The following CFAP107 variants were observed in gnomAD, a reference collection of about 807,000 sequenced individuals.
CFAP107 encodes cilia- and flagella-associated protein 107.
the CFAP107 span, among the ~76,000 whole-genome samples, chr1:12,755,211 C>T: frequency 1.3e-5 from 2 of 152,114 alleles, no homozygotes; most frequent in Non-Finnish European, 2.9e-5. Context: ...TCGAGACCAT[C>T]CTAGCCAACA....
At chr1:12,752,313 A>G in the CFAP107 span, among the ~76,000 whole-genome samples, 27,045 of 152,038 alleles carry the variant, frequency 0.18, 2,669 homozygotes, top group Middle Eastern at 0.24. Flanking sequence ...GGCTGGGCAT[A>G]GTGGCTCATG....
chr1:12,750,243 A>G, the CFAP107 span, among the ~76,000 whole-genome samples: 2 of 152,226 alleles, frequency 1.3e-5, no homozygotes, highest in South Asian at 4.1e-4. Context: ...TATTCACAAA[A>G]GAAAATAATA....
the CFAP107 span, chr1:12,746,518 A>G: frequency 6.2e-7 from 1 of 1,612,978 alleles, no homozygotes; most frequent in Non-Finnish European, 8.5e-7. Context: ...GCTCACTGGA[A>G]ATTGGATGGA....
the CFAP107 span, among the ~76,000 whole-genome samples, chr1:12,747,272 T>C: frequency 2.0e-5 from 3 of 152,216 alleles, no homozygotes; most frequent in East Asian, 5.8e-4. Flanking sequence ...CTTCACCATG[T>C]TGGCCAGGCT....
chr1:12,751,659 C>T, the CFAP107 span, among the ~76,000 whole-genome samples: 1 of 151,884 alleles, frequency 6.6e-6, no homozygotes, highest in East Asian at 1.9e-4. Flanking sequence ...AAGAGAAAAC[C>T]AAATTGGTTT....
the CFAP107 span, among the ~76,000 whole-genome samples, chr1:12,752,545 C>T: frequency 7.1e-4 from 84 of 118,004 alleles, no homozygotes; most frequent in Admixed American, 2.2e-3. Flanking sequence ...TCAGCCTGGC[C>T]GACTCTGTCT....
At chr1:12,750,855 C>G in the CFAP107 span, among the ~76,000 whole-genome samples, 1 of 150,212 alleles carries the variant, frequency 6.7e-6, no homozygotes. Context: ...TTTTTTTTTT[C>G]TCAAGTACAT....
At chr1:12,755,475 G>A in the CFAP107 span, among the ~76,000 whole-genome samples, 23 of 152,132 alleles carry the variant, frequency 1.5e-4, no homozygotes, top group African/African-American at 4.3e-4. Flanking sequence ...ACACAGGTGC[G>A]GATGATGAGG....
chr1:12,755,792 G>A, the CFAP107 span: 2 of 1,613,280 alleles, frequency 1.2e-6, no homozygotes, highest in Non-Finnish European at 1.7e-6. Flanking sequence ...TCTCCAGGTG[G>A]TATGGGAAGA....
the CFAP107 span, chr1:12,761,228 C>T: frequency 2.9e-6 from 1 of 340,286 alleles, no homozygotes; most frequent in Non-Finnish European, 5.3e-6. Context: ...ACAGGAAGGG[C>T]CCTTAAGTTC....
At chr1:12,747,405 G>T in the CFAP107 span, among the ~76,000 whole-genome samples, 1 of 151,962 alleles carries the variant, frequency 6.6e-6, no homozygotes, top group South Asian at 2.1e-4. Flanking sequence ...TTTGGCTCTT[G>T]GTTTTCCACT....
chr1:12,758,682 G>A, the CFAP107 span, among the ~76,000 whole-genome samples: 3 of 152,166 alleles, frequency 2.0e-5, no homozygotes, highest in Non-Finnish European at 4.4e-5. Context: ...GGGCCCAAGA[G>A]GATTTTCTTA....
chr1:12,752,126 C>A, the CFAP107 span, among the ~76,000 whole-genome samples: 1 of 152,040 alleles, frequency 6.6e-6, no homozygotes, highest in Non-Finnish European at 1.5e-5. Context: ...CAGCATTACC[C>A]TGATACTAAA....
the CFAP107 span, chr1:12,759,496 A>T: frequency 1.9e-5 from 30 of 1,613,936 alleles, no homozygotes; most frequent in East Asian, 6.2e-4. Context: ...TGGTACCTTT[A>T]TAATTCAGGG....
At chr1:12,749,567 T>C in the CFAP107 span, among the ~76,000 whole-genome samples, 1 of 152,074 alleles carries the variant, frequency 6.6e-6, no homozygotes, top group African/African-American at 2.4e-5. Flanking sequence ...GCCGAAATCA[T>C]GCCACTGCAC....
the CFAP107 span, chr1:12,746,600 A>G: frequency 8.1e-7 from 1 of 1,240,924 alleles, no homozygotes; most frequent in Non-Finnish European, 1.2e-6. Flanking sequence ...GAGAGGCAGG[A>G]GTGAAGTTCA....
chr1:12,753,493 A>ATGATACAGTAATCAAGC, the CFAP107 span: 2 of 152,314 alleles, frequency 1.3e-5, 1 homozygote, highest in South Asian at 4.1e-4. Context: ...AGTAATCAAG[A>ATGATACAGTAATCAAGC]CAGTGTGATA....
the CFAP107 span, among the ~76,000 whole-genome samples, chr1:12,755,453 A>G: frequency 6.6e-6 from 1 of 151,722 alleles, no homozygotes; most frequent in South Asian, 2.1e-4. Flanking sequence ...GGGAGAGAGA[A>G]GATGAGAAAG....
chr1:12,761,243 C>G, the CFAP107 span: 1 of 292,460 alleles, frequency 3.4e-6, no homozygotes, highest in African/African-American at 2.2e-5. Flanking sequence ...AAGTTCTACC[C>G]TGTTGTTTCA....
Sources: gnomAD v4.1 joint callset for allele counts (sites outside exome capture counted in the v4.1 genomes callset) on GRCh38, gnomAD v4.1.1 for gene constraint, MANE v1.5 for transcripts, NCBI Gene and HGNC (gene_info 2026-07-23, HGNC 2026-07-21) for gene names.